The following TSHZ2 variants were observed in gnomAD, a reference collection of about 807,000 sequenced individuals.
The protein encoded by TSHZ2 is teashirt homolog 2.
In TSHZ2, 21 loss-of-function variants were observed where a neutral mutation model predicts 74.4. That is an observed-to-expected ratio of 0.28 (90% CI 0.20 to 0.41). The LOEUF is 0.41. TSHZ2 is among the 10% of genes least tolerant of loss of function. The pLI is 1.00. For missense variants in TSHZ2, 1,244 were observed against 1,293.5 expected (o/e 0.96, Z 0.59); for synonymous variants, 540 against 515.3 (o/e 1.05, Z -0.65).
chr20:53,266,201 C>A (rs1938241076), intron 2 of TSHZ2, among the ~76,000 whole-genome samples: 1 of 152,088 alleles, frequency 6.6e-6, no homozygotes, highest in African/African-American at 2.4e-5. Context: ...GGGCTTCCTG[C>A]ATGGGAGCCC....
At position 53,087,656 on chromosome 20, in the gene TSHZ2, T is replaced by C. The variant is rs754471205; in HGVS notation, c.40+114323T>C. Among the ~76,000 whole-genome samples the C allele has an allele frequency of 2.0e-5, 3 of 152,358 alleles. No individual in the cohort carries two copies. The South Asian group carries it at 6.2e-4, about 32-fold the overall frequency. On this transcript the variant is annotated intron_variant, in intron 1 of 2. Coordinates refer to ENST00000371497, the MANE Select transcript of TSHZ2 (RefSeq NM_173485.6). ...GTCTTACAGTTCTTGGTAAAACTCT[T>C]GGAAAAGACTTTCTTTTTTGATTTG...
chr20:53,462,841 C>G (rs141053895), intron 2 of TSHZ2, among the ~76,000 whole-genome samples: 1 of 152,132 alleles, frequency 6.6e-6, no homozygotes, highest in African/African-American at 2.4e-5. Flanking sequence ...GTGATGGGAG[C>G]AAGTAAAAAG....
chr20:53,384,496 G>A (rs2145645513), intron 2 of TSHZ2, among the ~76,000 whole-genome samples: 1 of 152,240 alleles, frequency 6.6e-6, no homozygotes, highest in South Asian at 2.1e-4. Context: ...TCACCTTGAC[G>A]AGCTGTGTCT....
chr20:53,485,099 T>G (rs920715064), intron 2 of TSHZ2, among the ~76,000 whole-genome samples: 3 of 152,194 alleles, frequency 2.0e-5, no homozygotes, highest in African/African-American at 7.2e-5. Context: ...AATCACCCTG[T>G]TATTAAGTAG....
chr20:53,079,138 G>T (rs553142586), intron 1 of TSHZ2, among the ~76,000 whole-genome samples: 2 of 152,258 alleles, frequency 1.3e-5, no homozygotes, highest in African/African-American at 4.8e-5. Context: ...AAAATAGGAA[G>T]TAATAGAGAA....
intron 2 of TSHZ2, among the ~76,000 whole-genome samples, chr20:53,432,807 T>C (rs1983894300): frequency 6.6e-6 from 1 of 152,236 alleles, no homozygotes; most frequent in African/African-American, 2.4e-5. Context: ...AGGAATGCTT[T>C]AGGCTGCAAA....
chr20:53,458,008 G>A (rs1403370792), intron 2 of TSHZ2, among the ~76,000 whole-genome samples: 1 of 151,814 alleles, frequency 6.6e-6, no homozygotes, highest in East Asian at 1.9e-4. Flanking sequence ...AAGGATATTG[G>A]TCTAAAATTC....
At chr20:53,258,963 G>A (rs533362064) in intron 2 of TSHZ2, among the ~76,000 whole-genome samples, 10 of 152,232 alleles carry the variant, frequency 6.6e-5, no homozygotes, top group African/African-American at 2.2e-4. Flanking sequence ...TGTGTTCATC[G>A]TAAAAATACT....
intron 2 of TSHZ2, among the ~76,000 whole-genome samples, chr20:53,268,271 ATTAC>A (rs367632372): frequency 5.9e-5 from 9 of 152,288 alleles, no homozygotes; most frequent in African/African-American, 1.9e-4. Flanking sequence ...CCCAGATTGA[ATTAC>A]TTACTATTCA....
intron 2 of TSHZ2, among the ~76,000 whole-genome samples, chr20:53,268,674 GC>G (rs139047067): frequency 9.1e-4 from 138 of 152,314 alleles, no homozygotes; most frequent in African/African-American, 3.1e-3. Context: ...ATCTTGGATG[GC>G]TATTTAATTT....
intron 1 of TSHZ2, among the ~76,000 whole-genome samples, chr20:52,999,571 C>T (rs927997980): frequency 7.9e-5 from 12 of 152,244 alleles, no homozygotes; most frequent in South Asian, 4.1e-4. Flanking sequence ...CAGCTGGTGT[C>T]GTATGTGACC....
At chr20:53,394,761 CA>C (rs3042185) in intron 2 of TSHZ2, among the ~76,000 whole-genome samples, 11,623 of 72,314 alleles carry the variant, frequency 0.16, 728 homozygotes, top group Middle Eastern at 0.21. Flanking sequence ...CAATCTGTCT[CA>C]AAAAAAAAAA....
At chr20:53,001,163 G>A (rs1021799178) in intron 1 of TSHZ2, among the ~76,000 whole-genome samples, 1 of 148,276 alleles carries the variant, frequency 6.7e-6, no homozygotes, top group African/African-American at 2.5e-5. Context: ...AGAGAGACCC[G>A]GTCTGGGTTT....
At chr20:53,006,342 A>G (rs6123242) in intron 1 of TSHZ2, among the ~76,000 whole-genome samples, 7,514 of 152,340 alleles carry the variant, frequency 0.049, 203 homozygotes, top group East Asian at 0.087. Context: ...AAAGAGACTG[A>G]GAAATAGATA....
At chr20:53,015,682 C>T (rs1983011777) in intron 1 of TSHZ2, among the ~76,000 whole-genome samples, 1 of 152,096 alleles carries the variant, frequency 6.6e-6, no homozygotes, top group African/African-American at 2.4e-5. Context: ...ACTTGGGGGC[C>T]TCTACCTCAT....
chr20:53,394,849 C>A (rs1785179273), intron 2 of TSHZ2, among the ~76,000 whole-genome samples: 1 of 127,944 alleles, frequency 7.8e-6, no homozygotes, highest in Admixed American at 8.7e-5. Flanking sequence ...ACCTGTCCCC[C>A]AGAACTCACC....
Position 53,469,634 on chromosome 20 carries a change from GAGGAAGGAAGGA to G in TSHZ2, c.*9-17469_*9-17458del, listed in dbSNP as rs756806325. On this transcript the variant is annotated intron_variant, in intron 2 of 2. Transcript: ENST00000371497. ...ATAGATAGAGAGGGAGGAAGGGAGG[GAGGAAGGAAGGA>G]AGGAAGGAAGGAAGGAAGGAAGGAA... Among the ~76,000 whole-genome samples the G allele has an allele frequency of 5.0e-3, 176 of 35,498 alleles. 6 individuals carry two copies. Among genetic ancestry groups the G allele is most frequent in the African/African-American group, 0.019 (127 of 6,834 alleles). The allele number at this position is 35,498 out of a possible 152,430, so 23.3% of individuals were successfully genotyped here.
At chr20:53,361,177 C>G (rs1338144844) in intron 2 of TSHZ2, among the ~76,000 whole-genome samples, 1 of 152,252 alleles carries the variant, frequency 6.6e-6, no homozygotes. Flanking sequence ...TCAGATTCTT[C>G]TGCACTGGTG....
intron 1 of TSHZ2, among the ~76,000 whole-genome samples, chr20:53,126,316 A>C (rs1986945658): frequency 1.3e-5 from 2 of 152,196 alleles, no homozygotes; most frequent in African/African-American, 4.8e-5. Context: ...GAAATTAGGG[A>C]CTGCCTTGTC....
Sources: gnomAD v4.1 joint callset for allele counts (sites outside exome capture counted in the v4.1 genomes callset) on GRCh38, gnomAD v4.1.1 for gene constraint, MANE v1.5 for transcripts, NCBI Gene and HGNC (gene_info 2026-07-23, HGNC 2026-07-21) for gene names.